Variants in SATB1 observed in about 807,000 individuals in gnomAD.
SATB1 encodes DNA-binding protein SATB1.
In SATB1, 11 loss-of-function variants were observed where a neutral mutation model predicts 86.9. The observed-to-expected ratio is 0.13, with a 90% confidence interval of 0.08 to 0.21. SATB1 has a LOEUF of 0.21. SATB1 is among the 10% of genes least tolerant of loss of function. The pLI is 1.00. For missense variants in SATB1, 551 were observed against 937.6 expected (o/e 0.59, Z 5.39); for synonymous variants, 357 against 357.2 (o/e 1.00, Z 0.01).
At chr3:18,372,780 T>C (rs1235180431) in intron 9 of SATB1, among the ~76,000 whole-genome samples, 1 of 152,292 alleles carries the variant, frequency 6.6e-6, no homozygotes. Flanking sequence ...ACTAGAAATA[T>C]AAAAATATAT....
At chr3:18,421,093 T>C in intron 1 of SATB1, 102 bp from the exon 2 acceptor site, 1 of 730,372 alleles carries the variant, frequency 1.4e-6, no homozygotes, top group Non-Finnish European at 2.3e-6. Flanking sequence ...TCTCCACAAA[T>C]ATAATGTATT....
At chr3:18,430,305 T>C (rs1478928342), upstream of SATB1, among the ~76,000 whole-genome samples, 1 of 152,216 alleles carries the variant, frequency 6.6e-6, no homozygotes, top group African/African-American at 2.4e-5. Context: ...TGAGTCAAGA[T>C]AATTTTCCAT....
intron 9 of SATB1, among the ~76,000 whole-genome samples, chr3:18,362,742 A>C (rs1352487509): frequency 6.6e-6 from 1 of 151,634 alleles, no homozygotes; most frequent in Non-Finnish European, 1.5e-5. Flanking sequence ...AATGTTATGA[A>C]GCAAATTTAT....
upstream of SATB1, among the ~76,000 whole-genome samples, chr3:18,439,659 T>A (rs1699185259): frequency 6.6e-6 from 1 of 152,174 alleles, no homozygotes; most frequent in Non-Finnish European, 1.5e-5. Context: ...ATGTTGTTAT[T>A]AAGACCATAT....
chr3:18,442,293 G>C (rs1453799822), upstream of SATB1, among the ~76,000 whole-genome samples: 1 of 151,268 alleles, frequency 6.6e-6, no homozygotes, highest in Non-Finnish European at 1.5e-5. Flanking sequence ...ATACAAAATT[G>C]AATTGTAATT....
chr3:18,418,288 T>C (rs1254776707), intron 2 of SATB1, among the ~76,000 whole-genome samples: 2 of 152,148 alleles, frequency 1.3e-5, no homozygotes. Flanking sequence ...GATTTCCTAC[T>C]GACACCAGAG....
chr3:18,351,281 C>A (rs1354348333), intron 10 of SATB1: 2 of 1,519,822 alleles, frequency 1.3e-6, no homozygotes, highest in African/African-American at 1.4e-5. Context: ...TCTCTGTGTC[C>A]CTTGGTGGCA....
chr3:18,363,095 T>A (rs1268251614), intron 9 of SATB1, among the ~76,000 whole-genome samples: 1 of 152,136 alleles, frequency 6.6e-6, no homozygotes, highest in African/African-American at 2.4e-5. Context: ...TATGCATATT[T>A]AGGGACTGGG....
Position 18,445,403 on chromosome 3 carries a change from C to A in SATB1, c.-25+115G>T, listed in dbSNP as rs933026086. On this transcript the variant is annotated intron_variant, in intron 1 of 3. Transcript: ENST00000415069. Reference sequence around the variant, plus strand: ...GCGAGGGCGGGCCAGGGGGCGCACACGGGGGTTGGCGCGGAAGACAGGACC... The same window carrying A: ...GCGAGGGCGGGCCAGGGGGCGCACAAGGGGGTTGGCGCGGAAGACAGGACC... 6 of 984,794 alleles carry A rather than the reference C, an allele frequency of 6.1e-6. No individual in the cohort carries two copies. In the East Asian group the frequency reaches 6.9e-4, roughly 114 times the overall value. The allele number at this position is 984,794 out of a possible 1,614,324, so 61.0% of individuals were successfully genotyped here.
chr3:18,398,588 G>C (rs1697081305), intron 5 of SATB1, among the ~76,000 whole-genome samples: 1 of 152,158 alleles, frequency 6.6e-6, no homozygotes, highest in Admixed American at 6.5e-5. Context: ...TCCACTATCA[G>C]TGTTAATTCT....
At chr3:18,381,966 C>T (rs549041268) in intron 8 of SATB1, among the ~76,000 whole-genome samples, 7 of 152,106 alleles carry the variant, frequency 4.6e-5, no homozygotes, top group South Asian at 4.1e-4. Context: ...TTTTAAAAGA[C>T]GACAATTAAT....
chr3:18,423,324 C>T (rs750917541), intron 1 of SATB1, among the ~76,000 whole-genome samples: 2 of 152,150 alleles, frequency 1.3e-5, no homozygotes, highest in Non-Finnish European at 2.9e-5. Flanking sequence ...ACAGTGAACT[C>T]AGTAACAACA....
intron 2 of SATB1, among the ~76,000 whole-genome samples, chr3:18,432,504 C>G (rs1698920013): frequency 1.3e-5 from 2 of 152,110 alleles, no homozygotes; most frequent in Admixed American, 6.5e-5. Context: ...CTATGCCCAC[C>G]ACCATAAGGC....
intron 5 of SATB1, chr3:18,409,528 C>T (rs1035456758): frequency 6.6e-6 from 1 of 151,946 alleles, no homozygotes; most frequent in African/African-American, 2.4e-5. Context: ...ACACAACTAC[C>T]CATATAAGAC....
rs953327777 is a variant in SATB1 at position 18,347,672 on chromosome 3, G to C, written c.*1498C>G. ...CTAACAACATAACTGCTAGAGACTG[G>C]ATTTGTTTTTGTCGGAGAGTCTTTT... is the stretch of plus-strand genomic sequence containing the variant. On this transcript the variant is annotated 3_prime_UTR_variant, in exon 11 of 11. Coordinates refer to ENST00000338745, the MANE Select transcript of SATB1 (RefSeq NM_002971.6). 8 of 152,136 alleles carry C rather than the reference G, an allele frequency of 5.3e-5. No individual in the cohort carries two copies. The highest frequency in any genetic ancestry group is 1.9e-4 in the African/African-American group (8 of 41,430). 9.4% of individuals were successfully genotyped at this position (152,136 alleles called of 1,614,324 possible). A position where few individuals can be genotyped will look rare whatever the true frequency, so the allele number is the denominator to read the frequency against.
chr3:18,440,861 C>T (rs192514982), upstream of SATB1, among the ~76,000 whole-genome samples: 6 of 152,130 alleles, frequency 3.9e-5, no homozygotes, highest in East Asian at 1.2e-3. Flanking sequence ...ATCACAAATG[C>T]TAAAAATGAA....
At chr3:18,389,368 T>C (rs1243323575) in intron 7 of SATB1, among the ~76,000 whole-genome samples, 2 of 146,924 alleles carry the variant, frequency 1.4e-5, no homozygotes, top group Admixed American at 6.8e-5. Context: ...GATAATTACT[T>C]AAAAAAAAAA....
At chr3:18,397,703 C>T (rs1697035425) in intron 5 of SATB1, among the ~76,000 whole-genome samples, 1 of 152,130 alleles carries the variant, frequency 6.6e-6, no homozygotes, top group South Asian at 2.1e-4. Context: ...AAAGTATAGA[C>T]CAGGGACCAG....
chr3:18,429,517 C>T (rs940002390), upstream of SATB1, among the ~76,000 whole-genome samples: 7 of 152,170 alleles, frequency 4.6e-5, no homozygotes, highest in Non-Finnish European at 1.0e-4. The surrounding 1 kb of genome is among the most constrained non-coding windows in gnomAD (Gnocchi z 4.1). Context: ...TAAGATCCTA[C>T]GTCTTAAACA....
Sources: allele counts gnomAD v4.1 joint callset (sites outside exome capture counted in the v4.1 genomes callset), GRCh38; gene constraint gnomAD v4.1.1; non-coding constraint Gnocchi (gnomAD v3.1); transcripts MANE v1.5; gene names NCBI Gene and HGNC (gene_info 2026-07-23, HGNC 2026-07-21).